COL11A1: variants seen among roughly 807,000 people sequenced by gnomAD.
COL11A1 encodes the protein collagen type XI alpha 1 chain.
COL11A1 carries 74 observed loss-of-function variants against 265.2 expected under a neutral mutation model. The observed-to-expected ratio is 0.28, with a 90% CI of 0.23 to 0.34. COL11A1 has a LOEUF of 0.34. COL11A1 is among the 10% of genes least tolerant of loss of function. COL11A1 has a pLI of 1.00. For missense variants in COL11A1, 2,165 were observed against 2,263.6 expected (o/e 0.96, Z 0.88); for synonymous variants, 816 against 727.6 (o/e 1.12, Z -1.96).
chr1:102,920,203 T>G (rs375730571), intron 49 of COL11A1, 108 bp downstream of exon 49: 10 of 998,670 alleles, frequency 1.0e-5, no homozygotes, highest in African/African-American at 6.3e-5. Context: ...CATATAACTA[T>G]GTAAAAGGCT....
intron 57 of COL11A1, among the ~76,000 whole-genome samples, chr1:102,894,351 G>T (rs1467883137): frequency 6.6e-6 from 1 of 151,992 alleles, no homozygotes; most frequent in African/African-American, 2.4e-5. Context: ...CTGGGCAACT[G>T]TCAAAAACCT....
chr1:103,007,866 CAAAAAAA>C (rs34520764), intron 15 of COL11A1, among the ~76,000 whole-genome samples: 1 of 97,120 alleles, frequency 1.0e-5, no homozygotes, highest in African/African-American at 4.3e-5. Flanking sequence ...GACTCTGTCT[CAAAAAAA>C]AAAAAAAAAA....
At chr1:103,030,723 G>T (rs537343850) in intron 5 of COL11A1, among the ~76,000 whole-genome samples, 2 of 152,024 alleles carry the variant, frequency 1.3e-5, no homozygotes, top group Admixed American at 6.6e-5. Flanking sequence ...TTTCTCATTT[G>T]TATGCATTGC....
chr1:103,091,060 A>G (rs555256445), intron 1 of COL11A1, among the ~76,000 whole-genome samples: 1 of 152,246 alleles, frequency 6.6e-6, no homozygotes, highest in South Asian at 2.1e-4. Flanking sequence ...ATTACCCCCT[A>G]GTAGTACAAA....
chr1:103,019,223 A>C (rs1666801704), intron 9 of COL11A1, among the ~76,000 whole-genome samples: 1 of 152,182 alleles, frequency 6.6e-6, no homozygotes, highest in South Asian at 2.1e-4. Context: ...ACCTGGCATA[A>C]AACAGAAACT....
Position 103,083,076 on chromosome 1 carries a change from A to G in COL11A1, c.107-104T>C, listed in dbSNP as rs2102325348. 3 of 1,119,134 alleles carry G rather than the reference A, an allele frequency of 2.7e-6. No homozygotes were observed. In the East Asian group the frequency reaches 7.6e-5, roughly 29 times the overall value. The allele number at this position is 1,119,134 out of a possible 1,614,324, so 69.3% of individuals were successfully genotyped here. ...GTATGTCATTTCATACCTTGAATCT[A>G]TTTATCACTTGCCATGCTTCCCTAA... On this transcript the variant is annotated intron_variant, in intron 1 of 66. Transcript: ENST00000370096.
In COL11A1 at chr1:103,055,305, AT is replaced by A. The variant is rs1670158091; in HGVS notation, c.651+19312del. On this transcript the variant is annotated intron_variant, in intron 4 of 66. Transcript: ENST00000370096. ...ATTTCTCAATTAAACAATAAATATT[AT>A]GTTATCATCTGTGCCTACTCACATC... Among the ~76,000 whole-genome samples the A allele has an allele frequency of 3.3e-5, 5 of 152,242 alleles. No homozygotes were observed. In the South Asian group the frequency reaches 8.3e-4, roughly 25 times the overall value.
chr1:102,934,482 G>A lies in COL11A1; in HGVS notation c.3567C>T (p.Gly1189=). The A allele has an allele frequency of 6.2e-7, 1 of 1,614,084 alleles. No individual in the cohort carries two copies. The highest frequency in any genetic ancestry group is 8.5e-7 in the Non-Finnish European group (1 of 1,179,938). ...CTATTGGACCAGGAGGTCCAGGGAA[G>A]CCTCTGGCACCCTCATCACCTTTTT... The part of the protein sequence containing the change: ...FGQKGDEGAR[G]FPGPPGPIGL... The change falls in exon 46 of 67, where the codon GGC becomes GGT. Residue 1189 remains glycine (G), a synonymous_variant. Coordinates refer to ENST00000370096, the MANE Select transcript of COL11A1 (RefSeq NM_001854.4).
chr1:102,936,394 GATT>G (rs1455125400), intron 44 of COL11A1, among the ~76,000 whole-genome samples: 1 of 152,016 alleles, frequency 6.6e-6, no homozygotes, highest in African/African-American at 2.4e-5. Context: ...TAATAAATGT[GATT>G]ATAAATAATC....
At chr1:102,918,851 G>C (rs1325650660) in intron 49 of COL11A1, among the ~76,000 whole-genome samples, 1 of 151,974 alleles carries the variant, frequency 6.6e-6, no homozygotes, top group Non-Finnish European at 1.5e-5. Context: ...TAAACACCTG[G>C]CATTCATGCC....
intron 4 of COL11A1, among the ~76,000 whole-genome samples, chr1:103,042,035 T>G (rs541010227): frequency 1.3e-5 from 2 of 152,048 alleles, no homozygotes; most frequent in South Asian, 4.1e-4. Context: ...ATAAATAAGA[T>G]AGTAATTATA....
intron 3 of COL11A1, among the ~76,000 whole-genome samples, chr1:103,077,264 GT>G (rs1672046761): frequency 6.6e-6 from 1 of 150,836 alleles, no homozygotes; most frequent in African/African-American, 2.4e-5. Context: ...TACATTCATA[GT>G]AAACACTACC....
Position 102,974,780 on chromosome 1 carries a change from A to T in COL11A1, c.2808+50T>A, listed in dbSNP as rs769177464. ...ATAAATGTAAGCTGTGACTCTCAAA[A>T]ATGTAAAAATATCAAATGAAGAAAG... On this transcript the variant is annotated intron_variant, in intron 36 of 66. Coordinates refer to ENST00000370096, the MANE Select transcript of COL11A1 (RefSeq NM_001854.4). The T allele has an allele frequency of 2.1e-6, 3 of 1,426,366 alleles. No individual in the cohort carries two copies. In the East Asian group the frequency reaches 6.8e-5, roughly 32 times the overall value. 88.4% of individuals were successfully genotyped at this position (1,426,366 alleles called of 1,614,324 possible).
At chr1:102,948,828 C>A (rs374067175) in intron 41 of COL11A1, among the ~76,000 whole-genome samples, 10 of 151,848 alleles carry the variant, frequency 6.6e-5, no homozygotes, top group African/African-American at 2.4e-4. Flanking sequence ...AGGTAACAGA[C>A]TCCTGTTGAA....
chr1:102,918,890 A>T (rs1403347431), intron 49 of COL11A1, among the ~76,000 whole-genome samples: 1 of 152,092 alleles, frequency 6.6e-6, no homozygotes, highest in Non-Finnish European at 1.5e-5. Context: ...TGAAATAATG[A>T]CAACTTTCCC....
intron 5 of COL11A1, among the ~76,000 whole-genome samples, chr1:103,030,256 A>G (rs1172468914): frequency 6.6e-6 from 1 of 152,088 alleles, no homozygotes; most frequent in Non-Finnish European, 1.5e-5. Context: ...ACAAAAACTA[A>G]CATTAAGTCA....
intron 1 of COL11A1, among the ~76,000 whole-genome samples, chr1:103,107,595 C>T (rs1238302248): frequency 6.7e-6 from 1 of 149,262 alleles, no homozygotes; most frequent in African/African-American, 2.5e-5. Flanking sequence ...CACTTGGTTG[C>T]AGACAAAGAA....
chr1:102,980,780 C>T (rs1662960925), intron 31 of COL11A1, among the ~76,000 whole-genome samples: 1 of 152,038 alleles, frequency 6.6e-6, no homozygotes, highest in African/African-American at 2.4e-5. Flanking sequence ...CTAAGGCACA[C>T]TCCACATCTA....
In COL11A1 at chr1:102,971,940, T is replaced by A. The variant is rs182808943; in HGVS notation, c.2809-1668A>T. Among the ~76,000 whole-genome samples, 746 of 152,314 alleles carry A rather than the reference T, an allele frequency of 4.9e-3. 3 individuals are homozygous for A. Among genetic ancestry groups the A allele is most frequent in the Middle Eastern group, 0.01 (3 of 294 alleles). On this transcript the variant is annotated intron_variant, in intron 36 of 66. Coordinates refer to ENST00000370096, the MANE Select transcript of COL11A1 (RefSeq NM_001854.4). The stretch of plus-strand genomic sequence containing the variant: ...GGATGTCATTTAACCATGGCTTCTT[T>A]AAAAAACATATATTACATACCCACG...
Sources: allele counts gnomAD v4.1 joint callset (sites outside exome capture counted in the v4.1 genomes callset), GRCh38; gene constraint gnomAD v4.1.1; transcripts MANE v1.5; gene names NCBI Gene and HGNC (gene_info 2026-07-23, HGNC 2026-07-21).